Variants in APIP observed in about 807,000 individuals in gnomAD.
APIP encodes methylthioribulose-1-phosphate dehydratase.
A neutral mutation model predicts 32.0 loss-of-function variants in APIP; 32 were observed. The observed-to-expected ratio is 1.00, with a 90% CI of 0.76 to 1.34. APIP has a LOEUF of 1.34. Among genes scored for constraint, APIP ranks in the 40% most tolerant of loss-of-function variants. The pLI, the probability that APIP is intolerant of heterozygous loss-of-function variation, is 0.00. For synonymous variants in APIP, 92 were observed against 94.8 expected (o/e 0.97, Z 0.17); for missense variants, 247 against 298.6 (o/e 0.83, Z 1.27).
intron 1 of APIP, among the ~76,000 whole-genome samples, chr11:34,911,120 A>G (rs767862264): frequency 1.5e-4 from 23 of 152,188 alleles, no homozygotes; most frequent in Non-Finnish European, 2.4e-4. Context: ...ATATAGTTGA[A>G]TATACCCAAA....
Position 34,916,252 on chromosome 11 carries a change from A to G in APIP, c.33T>C (p.Cys11=). The stretch of plus-strand genomic sequence containing the variant: ...CCTGCGCGCCGCATCTCCGGGAACA[A>G]CAGTCTCCCTCCCGAGCATCACAGC... MSGCDAREGD[C]CSRRCGAQDK... Residue 11 remains cysteine (C), a synonymous_variant, in exon 1 of 7, where the codon TGT becomes TGC. Transcript: ENST00000395787. 2 of 1,612,590 alleles carry G rather than the reference A, an allele frequency of 1.2e-6. No homozygotes were observed. The highest frequency in any genetic ancestry group is 2.2e-5 in the South Asian group (2 of 90,954).
intron 2 of APIP, 72 bp downstream of exon 2, chr11:34,894,938 T>A (rs1853242650): frequency 2.3e-6 from 3 of 1,310,158 alleles, no homozygotes; most frequent in Non-Finnish European, 2.2e-6. Context: ...GTTCTTTGGA[T>A]ATAACACATT....
At chr11:34,889,096 G>C (rs1306897883) in intron 3 of APIP, among the ~76,000 whole-genome samples, 1 of 151,608 alleles carries the variant, frequency 6.6e-6, no homozygotes, top group African/African-American at 2.4e-5. Flanking sequence ...TAGCAATTTT[G>C]AGAAATAAAA....
intron 1 of APIP, among the ~76,000 whole-genome samples, chr11:34,912,128 C>G (rs12282552): frequency 1.3e-5 from 2 of 151,958 alleles, no homozygotes; most frequent in Non-Finnish European, 2.9e-5. Flanking sequence ...AAAACCAGGT[C>G]AGAGATTATT....
At chr11:34,886,770 GTACAGTAA>G (rs1853079664) in intron 5 of APIP, among the ~76,000 whole-genome samples, 1 of 151,882 alleles carries the variant, frequency 6.6e-6, no homozygotes, top group African/African-American at 2.4e-5. Context: ...ACAGTACTTT[GTACAGTAA>G]CCTGCTATGC....
intron 1 of APIP, among the ~76,000 whole-genome samples, chr11:34,895,733 T>C (rs1016989167): frequency 7.8e-6 from 1 of 128,582 alleles, no homozygotes; most frequent in Admixed American, 8.3e-5. Flanking sequence ...TACGTGTTTA[T>C]GAGTGTATGT....
At chr11:34,899,165 G>A (rs1236185325) in intron 1 of APIP, among the ~76,000 whole-genome samples, 1 of 152,096 alleles carries the variant, frequency 6.6e-6, no homozygotes, top group Non-Finnish European at 1.5e-5. Context: ...CACTGAGCCC[G>A]GCCTCGAGCA....
At chr11:34,889,872 C>T (rs770654281) in intron 3 of APIP, among the ~76,000 whole-genome samples, 99 of 152,168 alleles carry the variant, frequency 6.5e-4, no homozygotes, top group African/African-American at 1.9e-3. Flanking sequence ...CATTTTCTTT[C>T]GCCAGTCTAC....
At position 34,883,374 on chromosome 11, in the gene APIP, A is replaced by G. The variant is rs746983925; in HGVS notation, c.592T>C (p.Tyr198His). Residue 198 changes from tyrosine to histidine, a missense_variant, in exon 6 of 7, where the codon TAT becomes CAT. Physicochemically the swap from Tyr to His is moderately conservative, Grantham distance 83 (BLOSUM62 2). Transcript: ENST00000395787. The part of the protein sequence containing the change: ...CAVLVRRHGV[Y>H]VWGETWEKAK... ...TTCTCCCATGTTTCCCCCCACACAT[A>G]TACTCCATGACGTCTGACCAGTACT... The G allele has an allele frequency of 3.7e-6, 6 of 1,613,208 alleles. No homozygotes were observed. In the African/African-American group the frequency reaches 4.0e-5, roughly 11 times the overall value.
At chr11:34,899,166 G>A (rs1274930391) in intron 1 of APIP, among the ~76,000 whole-genome samples, 1 of 152,146 alleles carries the variant, frequency 6.6e-6, no homozygotes, top group Admixed American at 6.5e-5. Context: ...ACTGAGCCCG[G>A]CCTCGAGCAA....
chr11:34,885,907 A>G (rs187452096), intron 5 of APIP, among the ~76,000 whole-genome samples: 4 of 152,236 alleles, frequency 2.6e-5, no homozygotes, highest in African/African-American at 4.8e-5. Flanking sequence ...TATTATGCAA[A>G]TGTCTGTGGT....
intron 1 of APIP, among the ~76,000 whole-genome samples, chr11:34,898,967 T>C (rs1053845428): frequency 6.6e-6 from 1 of 151,684 alleles, no homozygotes; most frequent in Non-Finnish European, 1.5e-5. Context: ...CCCAGCTAAT[T>C]GTTTGTATTT....
At chr11:34,904,835 T>C (rs899976678) in intron 1 of APIP, among the ~76,000 whole-genome samples, 2 of 152,150 alleles carry the variant, frequency 1.3e-5, no homozygotes, top group Non-Finnish European at 2.9e-5. Context: ...GAGCAACCCC[T>C]GACAACCCAG....
intron 2 of APIP, among the ~76,000 whole-genome samples, chr11:34,893,301 G>A (rs1338089439): frequency 1.3e-5 from 2 of 152,106 alleles, no homozygotes; most frequent in Non-Finnish European, 2.9e-5. Context: ...TAAAGAGCCA[G>A]TTGGAAATGG....
rs1057147821 is a variant in APIP, at chr11:34,899,598, G to A, written c.58-4488C>T. On this transcript the variant is annotated intron_variant, in intron 1 of 6. Transcript: ENST00000395787. The stretch of plus-strand genomic sequence containing the variant: ...CATTAAAGGGGCCTTGCCCAATTAC[G>A]TAGTTTTTCTTGAGATCTGTTTTTT... 3.9e-5 allele frequency among the ~76,000 whole-genome samples: 6 copies of A among 152,206 alleles called. No homozygotes were observed. The South Asian group carries it at 6.2e-4, about 16-fold the overall frequency.
chr11:34,902,496 C>CT (rs1482008828), intron 1 of APIP, among the ~76,000 whole-genome samples: 258 of 152,066 alleles, frequency 1.7e-3, no homozygotes, highest in African/African-American at 5.7e-3. Context: ...TAGTACTGTC[C>CT]AAGGGGACCA....
At chr11:34,902,701 C>T (rs1274098158) in intron 1 of APIP, among the ~76,000 whole-genome samples, 1 of 152,172 alleles carries the variant, frequency 6.6e-6, no homozygotes, top group Non-Finnish European at 1.5e-5. Flanking sequence ...AACCTGGGAA[C>T]CTGAAGCTCA....
chr11:34,908,272 G>A (rs998480385), intron 1 of APIP, among the ~76,000 whole-genome samples: 1 of 152,230 alleles, frequency 6.6e-6, no homozygotes, highest in African/African-American at 2.4e-5. Flanking sequence ...CCACAACTGA[G>A]AGTTGTAAAA....
chr11:34,885,534 C>T (rs1853052953), intron 5 of APIP, among the ~76,000 whole-genome samples: 1 of 152,088 alleles, frequency 6.6e-6, no homozygotes. Context: ...GTACACAGCC[C>T]TCCGTATTTA....
Sources: allele counts gnomAD v4.1 joint callset (sites outside exome capture counted in the v4.1 genomes callset), GRCh38; gene constraint gnomAD v4.1.1; transcripts MANE v1.5; gene names NCBI Gene and HGNC (gene_info 2026-07-23, HGNC 2026-07-21).